Variants in SFXN5 observed in about 807,000 individuals in gnomAD.
The protein encoded by SFXN5 is sideroflexin-5.
SFXN5 carries 43 observed loss-of-function variants against 50.2 expected under a neutral mutation model. That is an observed-to-expected ratio of 0.86 (90% CI 0.67 to 1.11). SFXN5 has a LOEUF of 1.11. Among genes scored for constraint, SFXN5 ranks in the 50% least tolerant of loss-of-function variants. The pLI is 0.00. For missense variants in SFXN5, 463 were observed against 454.1 expected (o/e 1.02, Z -0.18); for synonymous variants, 203 against 185.8 (o/e 1.09, Z -0.75).
At chr2:72,971,166 A>C (rs1160130919) in intron 11 of SFXN5, among the ~76,000 whole-genome samples, 1 of 152,072 alleles carries the variant, frequency 6.6e-6, no homozygotes, top group Non-Finnish European at 1.5e-5. Context: ...ACCCAGAACC[A>C]CAAACCACTG....
At chr2:72,958,226 C>T (rs555826264) in intron 13 of SFXN5, among the ~76,000 whole-genome samples, 1 of 152,296 alleles carries the variant, frequency 6.6e-6, no homozygotes, top group South Asian at 2.1e-4. Flanking sequence ...CAGCCCCCAG[C>T]TCCCTCTTCT....
intron 3 of SFXN5, among the ~76,000 whole-genome samples, chr2:73,027,120 T>C (rs1278075604): frequency 6.6e-6 from 1 of 152,146 alleles, no homozygotes; most frequent in Non-Finnish European, 1.5e-5. Context: ...TCAGGGGGTA[T>C]TCCAGAAAGA....
At chr2:73,020,625 A>C (rs76432376) in intron 5 of SFXN5, 11 of 223,426 alleles carry the variant, frequency 4.9e-5, no homozygotes, top group Admixed American at 1.1e-4. Context: ...CGCTCACTAC[A>C]TGAGGCTGAA....
intron 6 of SFXN5, among the ~76,000 whole-genome samples, chr2:73,016,578 G>A (rs1346461647): frequency 6.6e-6 from 1 of 152,146 alleles, no homozygotes; most frequent in Non-Finnish European, 1.5e-5. Context: ...GGAGGTGCAT[G>A]CCTGTAATCC....
intron 2 of SFXN5, among the ~76,000 whole-genome samples, chr2:73,046,555 T>G (rs1161787303): frequency 6.6e-6 from 1 of 152,162 alleles, no homozygotes; most frequent in Admixed American, 6.5e-5. Context: ...AAAGACTTGG[T>G]GTAGTCCCAG....
At chr2:73,028,696 A>T (rs1228604730) in intron 3 of SFXN5, among the ~76,000 whole-genome samples, 1 of 152,198 alleles carries the variant, frequency 6.6e-6, no homozygotes, top group African/African-American at 2.4e-5. Flanking sequence ...TCTGCCTAGA[A>T]ATACTGATAT....
chr2:73,023,128 G>C (rs143267731), intron 4 of SFXN5, 60 bp downstream of exon 4: 14 of 1,556,068 alleles, frequency 9.0e-6, no homozygotes, highest in Non-Finnish European at 1.2e-5. Flanking sequence ...CCCTGGGACA[G>C]GGCAGGGTGG....
chr2:73,022,417 C>A (rs1677007354), intron 5 of SFXN5, 105 bp downstream of exon 5: 6 of 846,440 alleles, frequency 7.1e-6, no homozygotes, highest in Non-Finnish European at 1.2e-5. Context: ...ATGATTGTAA[C>A]AGGCTCTGTC....
chr2:73,040,150 T>C (rs937932661), intron 3 of SFXN5, among the ~76,000 whole-genome samples: 3 of 152,186 alleles, frequency 2.0e-5, no homozygotes, highest in African/African-American at 4.8e-5. Context: ...TCTTGAATTA[T>C]GCACACATGA....
At chr2:73,049,358 T>G (rs1440601617) in intron 2 of SFXN5, 1 of 152,302 alleles carries the variant, frequency 6.6e-6, no homozygotes, top group African/African-American at 2.4e-5. Context: ...AACCTCGACC[T>G]CCCAGGCTCA....
intron 3 of SFXN5, among the ~76,000 whole-genome samples, chr2:73,039,064 A>T (rs756989580): frequency 5.9e-5 from 9 of 152,146 alleles, no homozygotes; most frequent in Non-Finnish European, 1.0e-4. Context: ...AGTAGCTGGG[A>T]TTACAAACAT....
chr2:73,004,734 A>AGG (rs2105723112), intron 6 of SFXN5, among the ~76,000 whole-genome samples: 1 of 152,318 alleles, frequency 6.6e-6, no homozygotes, highest in African/African-American at 2.4e-5. Flanking sequence ...GAGGCAGGGA[A>AGG]GCAGGGATCC....
chr2:73,052,940 G>A (rs1282937877), intron 2 of SFXN5, among the ~76,000 whole-genome samples: 1 of 152,240 alleles, frequency 6.6e-6, no homozygotes, highest in Non-Finnish European at 1.5e-5. Flanking sequence ...CACTCTGGGA[G>A]GCCAAGGCGG....
At chr2:73,058,632 C>T (rs1352802563) in intron 1 of SFXN5, 36 bp from the exon 2 acceptor site, 1 of 1,592,154 alleles carries the variant, frequency 6.3e-7, no homozygotes, top group Admixed American at 1.7e-5. Context: ...GTGAATGGAT[C>T]AGCTGCTGCA....
In SFXN5 at chr2:73,004,319, A is replaced by G. The variant is rs867805826; in HGVS notation, c.358-2741T>C. ...AGGAGAGGAATGAGTGCGCGCGCACACACACACACACACACACACACACAC... is the reference window on the plus strand; with the variant it reads ...AGGAGAGGAATGAGTGCGCGCGCACGCACACACACACACACACACACACAC... On this transcript the variant is annotated intron_variant, in intron 6 of 13. Coordinates refer to ENST00000272433, the MANE Select transcript of SFXN5 (RefSeq NM_144579.3). 3.9e-3 allele frequency among the ~76,000 whole-genome samples: 497 copies of G among 127,544 alleles called. 7 individuals are homozygous for G. Among genetic ancestry groups the G allele is most frequent in the African/African-American group, 0.016 (441 of 28,302 alleles). The allele number at this position is 127,544 out of a possible 152,430, so 83.7% of individuals were successfully genotyped here.
At chr2:72,980,010 T>C (rs1198435974) in intron 10 of SFXN5, among the ~76,000 whole-genome samples, 1 of 152,126 alleles carries the variant, frequency 6.6e-6, no homozygotes, top group Non-Finnish European at 1.5e-5. Context: ...AGCACTCTAG[T>C]AGCAAGCATG....
intron 13 of SFXN5, among the ~76,000 whole-genome samples, chr2:72,948,323 A>G (rs1338759813): frequency 6.6e-6 from 1 of 152,270 alleles, no homozygotes; most frequent in East Asian, 1.9e-4. Context: ...AAAATGATGC[A>G]TAGATATCAC....
Position 72,961,894 on chromosome 2 carries a change from G to A in SFXN5, c.828-646C>T, listed in dbSNP as rs1038466697. Among the ~76,000 whole-genome samples the A allele has an allele frequency of 3.3e-5, 5 of 152,144 alleles. No homozygotes were observed. Among genetic ancestry groups the A allele is most frequent in the Non-Finnish European group, 7.4e-5 (5 of 68,002 alleles). ...TGCCTGGACCCCTGGCTCCCCGAGG[G>A]TGCTGTCACCCCAGCTGGTCCCCTG... On this transcript the variant is annotated intron_variant, in intron 12 of 13. Coordinates refer to ENST00000272433, the MANE Select transcript of SFXN5 (RefSeq NM_144579.3). The surrounding 1 kb of genome is among the most constrained non-coding windows in gnomAD (Gnocchi z 4.4).
At chr2:72,956,711 A>G (rs1424322249) in intron 13 of SFXN5, among the ~76,000 whole-genome samples, 1 of 152,148 alleles carries the variant, frequency 6.6e-6, no homozygotes, top group African/African-American at 2.4e-5. Flanking sequence ...CACCACAGCC[A>G]GGTAGCCCCC....
Sources: allele counts gnomAD v4.1 joint callset (sites outside exome capture counted in the v4.1 genomes callset), GRCh38; gene constraint gnomAD v4.1.1; non-coding constraint Gnocchi (gnomAD v3.1); transcripts MANE v1.5; gene names NCBI Gene and HGNC (gene_info 2026-07-23, HGNC 2026-07-21).